PROS1: variants seen among roughly 807,000 people sequenced by gnomAD.
PROS1 encodes protein S, also known as vitamin K-dependent protein S.
PROS1 carries 29 observed loss-of-function variants against 75.9 expected under a neutral mutation model. The ratio of observed to expected loss-of-function variants is 0.38; its 90% CI spans 0.28 to 0.52. The LOEUF (loss-of-function observed/expected upper bound fraction) is 0.52. PROS1 is among the 20% of genes least tolerant of loss of function. The pLI is 0.83. For synonymous variants in PROS1, 245 were observed against 280.6 expected (o/e 0.87, Z 1.27); for missense variants, 680 against 810.3 (o/e 0.84, Z 1.95).
chr3:93,935,978 A>G (rs1198103002), intron 1 of PROS1, among the ~76,000 whole-genome samples: 17 of 151,030 alleles, frequency 1.1e-4, no homozygotes, highest in Non-Finnish European at 2.5e-4. Context: ...AAAGTCAGCC[A>G]CAGACAAAAT....
intron 1 of PROS1, among the ~76,000 whole-genome samples, chr3:93,939,252 C>T (rs150793364): frequency 0.012 from 1,770 of 152,216 alleles, 9 homozygotes; most frequent in Non-Finnish European, 0.019. Context: ...AGGTGCCTGA[C>T]GTCCAGGCAT....
At chr3:93,925,479 T>G (rs1421065291) in intron 2 of PROS1, among the ~76,000 whole-genome samples, 2 of 150,754 alleles carry the variant, frequency 1.3e-5, no homozygotes, top group African/African-American at 4.9e-5. Flanking sequence ...AGGGAGTGGT[T>G]GGGTAGGGTC....
rs777950737 is a variant in PROS1 at position 93,906,060 on chromosome 3, T to G, written c.430A>C (p.Thr144Pro). ...CKDGKASFTC[T>P]CKPGWQGEKC... Reference sequence around the variant, plus strand: ...TCTCCTTGCCAACCTGGTTTACAAGTGCAAGTAAAAGAAGCTTTTCCATCT... The same window carrying G: ...TCTCCTTGCCAACCTGGTTTACAAGGGCAAGTAAAAGAAGCTTTTCCATCT... Residue 144 changes from threonine (T) to proline (P), a missense_variant, in exon 5 of 15, where the codon ACT becomes CCT. By Grantham distance (38) the Thr-to-Pro change is conservative. Transcript: ENST00000394236. 6.2e-7 allele frequency: 1 copy of G among 1,614,128 alleles called. No homozygotes were observed. Among genetic ancestry groups the G allele is most frequent in the Non-Finnish European group, 8.5e-7 (1 of 1,180,024 alleles).
At chr3:93,963,689 G>T (rs893211644) in intron 1 of PROS1, among the ~76,000 whole-genome samples, 1 of 131,250 alleles carries the variant, frequency 7.6e-6, no homozygotes, top group African/African-American at 2.5e-5. Flanking sequence ...GCCAGAATGG[G>T]AGCGCGAGCT....
chr3:93,965,503 A>G (rs1709775464), intron 1 of PROS1, among the ~76,000 whole-genome samples: 1 of 152,150 alleles, frequency 6.6e-6, no homozygotes, highest in Non-Finnish European at 1.5e-5. Flanking sequence ...GGCTTCTAAT[A>G]GAGCTATAAC....
At chr3:93,891,095 G>C (rs141180990) in intron 10 of PROS1, among the ~76,000 whole-genome samples, 3 of 151,882 alleles carry the variant, frequency 2.0e-5, no homozygotes, top group Non-Finnish European at 4.4e-5. Context: ...GCAAGACTCC[G>C]TCTCAAAATA....
At chr3:93,901,235 G>A (rs1708588791) in intron 6 of PROS1, among the ~76,000 whole-genome samples, 1 of 152,144 alleles carries the variant, frequency 6.6e-6, no homozygotes, top group African/African-American at 2.4e-5. Flanking sequence ...TGGAGGTCTT[G>A]AAAACAGATT....
chr3:93,949,264 G>A (rs1362385238), intron 1 of PROS1, among the ~76,000 whole-genome samples: 1 of 152,216 alleles, frequency 6.6e-6, no homozygotes, highest in African/African-American at 2.4e-5. Flanking sequence ...AACCTGGACA[G>A]TTAGCTACAT....
chr3:93,924,782 C>T (rs988083689), intron 2 of PROS1, among the ~76,000 whole-genome samples: 2 of 151,844 alleles, frequency 1.3e-5, no homozygotes, highest in Non-Finnish European at 2.9e-5. Flanking sequence ...CCCATCTCAG[C>T]CCCCCAAGTA....
chr3:93,914,523 T>C (rs1708809846), intron 3 of PROS1, among the ~76,000 whole-genome samples: 1 of 152,144 alleles, frequency 6.6e-6, no homozygotes, highest in African/African-American at 2.4e-5. Context: ...AGAGCAGTGG[T>C]GGTCCTGCAG....
At chr3:93,923,710 G>A (rs2096026752) in intron 3 of PROS1, among the ~76,000 whole-genome samples, 1 of 152,046 alleles carries the variant, frequency 6.6e-6, no homozygotes, top group East Asian at 1.9e-4. Context: ...GACTACCCTG[G>A]CCAACATGGC....
chr3:93,946,517 C>G (rs1172263307), intron 1 of PROS1, among the ~76,000 whole-genome samples: 2 of 152,130 alleles, frequency 1.3e-5, no homozygotes, highest in Admixed American at 1.3e-4. Flanking sequence ...CTACAACCAC[C>G]TGATCTTTGA....
intron 6 of PROS1, among the ~76,000 whole-genome samples, chr3:93,902,048 A>G (rs1708604290): frequency 6.6e-6 from 1 of 152,170 alleles, no homozygotes; most frequent in Non-Finnish European, 1.5e-5. Flanking sequence ...GCACAGCAGC[A>G]GTGCTGTAAT....
At chr3:93,970,425 T>A (rs1012908708) in intron 1 of PROS1, among the ~76,000 whole-genome samples, 4 of 152,284 alleles carry the variant, frequency 2.6e-5, no homozygotes, top group Admixed American at 2.6e-4. Flanking sequence ...AGCCTCAACC[T>A]CCTGGGCTCA....
intron 10 of PROS1, among the ~76,000 whole-genome samples, chr3:93,891,286 G>C (rs1482338210): frequency 2.0e-5 from 3 of 152,052 alleles, no homozygotes; most frequent in Admixed American, 2.0e-4. Context: ...CTATACTTCA[G>C]AAAAGACTTC....
rs567571489 is a variant in PROS1 at position 93,886,727 on chromosome 3, A to G, written c.1156-224T>C. ...CACGATCAAAAATTAAAAGCATACC[A>G]TATTTTAAAGTTAAAAAAAATACTA... On this transcript the variant is annotated intron_variant, in intron 10 of 14. Transcript: ENST00000394236. Among the ~76,000 whole-genome samples the G allele has an allele frequency of 3.7e-3, 556 of 152,272 alleles. 4 individuals carry two copies. Among genetic ancestry groups the G allele is most frequent in the African/African-American group, 0.013 (522 of 41,556 alleles).
intron 1 of PROS1, among the ~76,000 whole-genome samples, chr3:93,955,206 C>G (rs1244655955): frequency 6.6e-6 from 1 of 152,176 alleles, no homozygotes; most frequent in African/African-American, 2.4e-5. Context: ...TACCAATTGA[C>G]CCAGCCATCC....
intron 13 of PROS1, among the ~76,000 whole-genome samples, chr3:93,878,311 C>T: frequency 6.6e-6 from 1 of 152,272 alleles, no homozygotes; most frequent in Non-Finnish European, 1.5e-5. Context: ...AAAAACTCAT[C>T]AGGATATTTT....
chr3:93,905,126 T>C (rs776639262), intron 6 of PROS1, among the ~76,000 whole-genome samples: 1 of 152,184 alleles, frequency 6.6e-6, no homozygotes, highest in East Asian at 1.9e-4. Context: ...TGGCTATGTA[T>C]CTTACTAGAA....
Sources: gnomAD v4.1 joint callset for allele counts (sites outside exome capture counted in the v4.1 genomes callset) on GRCh38, gnomAD v4.1.1 for gene constraint, MANE v1.5 for transcripts, NCBI Gene and HGNC (gene_info 2026-07-23, HGNC 2026-07-21) for gene names.